ANOS1: variants seen among roughly 807,000 people sequenced by gnomAD.
ANOS1 encodes the protein anosmin 1.
In ANOS1, 6 loss-of-function variants were observed where a neutral mutation model predicts 59.0. That is an observed-to-expected ratio of 0.10 (90% CI 0.06 to 0.20). The LOEUF (loss-of-function observed/expected upper bound fraction) is 0.20. ANOS1 is among the 10% of genes least tolerant of loss of function. The probability of loss-of-function intolerance (pLI) is 1.00; values close to 1 mark genes in which losing one functional copy is unlikely to be tolerated. For synonymous variants in ANOS1, 217 were observed against 223.4 expected (o/e 0.97, Z 0.25); for missense variants, 433 against 542.3 (o/e 0.80, Z 2.00).
At chrX:8,720,315 C>T (rs2146910887) in intron 1 of ANOS1, among the ~76,000 whole-genome samples, 1 of 111,454 alleles carries the variant, frequency 9.0e-6, no homozygotes, top group East Asian at 2.8e-4. Context: ...TTGCAGGCAG[C>T]AAACATCCCC....
intron 1 of ANOS1, among the ~76,000 whole-genome samples, chrX:8,729,467 C>T (rs780067820): frequency 1.4e-3 from 117 of 83,603 alleles, no homozygotes; most frequent in African/African-American, 5.3e-3. Flanking sequence ...GGTGTGATCT[C>T]GGCTCACTGC....
At chrX:8,551,061 C>G (rs1042469669) in intron 9 of ANOS1, among the ~76,000 whole-genome samples, 1 of 111,407 alleles carries the variant, frequency 9.0e-6, no homozygotes, top group Admixed American at 9.6e-5. Context: ...CCTACCACCA[C>G]GTAAGGTATG....
At chrX:8,569,499 G>A (rs1030385157) in intron 7 of ANOS1, among the ~76,000 whole-genome samples, 2 of 111,425 alleles carry the variant, frequency 1.8e-5, no homozygotes, top group Admixed American at 9.5e-5. Context: ...AAAATTAGCT[G>A]GGTGTGGTGG....
In ANOS1 at chrX:8,539,625, T is replaced by C. The variant is rs1375085354; in HGVS notation, c.1449+39A>G. On this transcript the variant is annotated intron_variant, in intron 10 of 13. Transcript: ENST00000262648. The stretch of plus-strand genomic sequence containing the variant: ...GTTTGTACATCCTCCTGTCTAATTA[T>C]GTTCACAGATCAAGTTGGCCTAGAG... 6 of 1,210,714 alleles carry C rather than the reference T, an allele frequency of 5.0e-6. No individual in the cohort carries two copies. In the South Asian group the frequency reaches 8.8e-5, roughly 18 times the overall value.
chrX:8,660,624 A>ATT (rs111314079), intron 2 of ANOS1, among the ~76,000 whole-genome samples: 1 of 109,903 alleles, frequency 9.1e-6, no homozygotes, highest in African/African-American at 3.3e-5. Context: ...TTAAAAAGAA[A>ATT]ATTTTTAAAA....
chrX:8,626,453 C>T (rs551391651), intron 2 of ANOS1, among the ~76,000 whole-genome samples: 1 of 111,539 alleles, frequency 9.0e-6, no homozygotes, highest in South Asian at 3.8e-4. Context: ...ATATATGAGC[C>T]TGCCCCAAGT....
In ANOS1 at chrX:8,576,699, C is replaced by T. The variant is rs188301025; in HGVS notation, c.857-5995G>A. On this transcript the variant is annotated intron_variant, in intron 6 of 13. Coordinates refer to ENST00000262648, the MANE Select transcript of ANOS1 (RefSeq NM_000216.4). ...GATATATGTCCAAGGTCATTCACAT[C>T]ATTGATGGCAGAACAAGGAGCGTGA... Among the ~76,000 whole-genome samples the T allele has an allele frequency of 3.6e-5, 4 of 110,358 alleles. No homozygotes were observed. The East Asian group carries it at 1.1e-3, about 32-fold the overall frequency.
chrX:8,722,530 C>T (rs1486934950), intron 1 of ANOS1, among the ~76,000 whole-genome samples: 1 of 111,047 alleles, frequency 9.0e-6, no homozygotes, highest in African/African-American at 3.3e-5. Flanking sequence ...CGAATACCAT[C>T]AGTTCATTCC....
chrX:8,728,197 C>T (rs73199079), intron 1 of ANOS1, among the ~76,000 whole-genome samples: 4,199 of 111,934 alleles, frequency 0.038, 72 homozygotes, highest in African/African-American at 0.072. Flanking sequence ...CCGGCTAAAT[C>T]GTCAATGAAC....
chrX:8,615,600 C>T (rs968186218), intron 3 of ANOS1, among the ~76,000 whole-genome samples: 3 of 110,458 alleles, frequency 2.7e-5, no homozygotes, highest in African/African-American at 9.9e-5. Context: ...GTCAGTCACT[C>T]CAGCCTCCAT....
chrX:8,567,090 G>C (rs1385489835), intron 8 of ANOS1, among the ~76,000 whole-genome samples: 1 of 111,589 alleles, frequency 9.0e-6, no homozygotes, highest in Non-Finnish European at 1.9e-5. Flanking sequence ...ACCTTGCTAG[G>C]AGCCCCTGCA....
At chrX:8,654,060 A>G (rs778948610) in intron 2 of ANOS1, among the ~76,000 whole-genome samples, 1 of 111,915 alleles carries the variant, frequency 8.9e-6, no homozygotes, top group African/African-American at 3.2e-5. Context: ...ATGGCTGTGA[A>G]TATCAGCTTG....
chrX:8,669,999 A>G (rs1249847489), intron 2 of ANOS1, among the ~76,000 whole-genome samples: 1 of 112,120 alleles, frequency 8.9e-6, no homozygotes, highest in Non-Finnish European at 1.9e-5. Flanking sequence ...TGCCCAATAG[A>G]TAAACGATGA....
At chrX:8,730,062 G>A (rs929964499) in intron 1 of ANOS1, among the ~76,000 whole-genome samples, 2 of 111,550 alleles carry the variant, frequency 1.8e-5, no homozygotes, top group African/African-American at 6.5e-5. Context: ...AGCCTTTCAC[G>A]GGAACTGGCT....
chrX:8,538,821 A>C (rs808116), intron 10 of ANOS1, among the ~76,000 whole-genome samples: 49,060 of 110,816 alleles, frequency 0.44, 8,805 homozygotes, highest in East Asian at 0.7. Flanking sequence ...AAATCCAGTG[A>C]CTTGTTTTAT....
intron 2 of ANOS1, among the ~76,000 whole-genome samples, chrX:8,628,285 TC>T (rs1424046306): frequency 1.8e-5 from 2 of 111,970 alleles, no homozygotes; most frequent in Non-Finnish European, 3.8e-5. Context: ...CCCACCCTTT[TC>T]CCAGAAAACT....
At chrX:8,700,881 CG>C (rs1302721665) in intron 1 of ANOS1, among the ~76,000 whole-genome samples, 6 of 110,871 alleles carry the variant, frequency 5.4e-5, no homozygotes. Flanking sequence ...TGGTGGCACA[CG>C]CCTGTAATCC....
intron 1 of ANOS1, among the ~76,000 whole-genome samples, chrX:8,702,732 C>A (rs779322001): frequency 6.2e-5 from 7 of 112,315 alleles, no homozygotes; most frequent in Non-Finnish European, 5.6e-5. Context: ...CGACACCTGT[C>A]TGAGCACATC....
chrX:8,566,587 A>G (rs1311347416), intron 8 of ANOS1, among the ~76,000 whole-genome samples: 1 of 111,399 alleles, frequency 9.0e-6, no homozygotes, highest in Non-Finnish European at 1.9e-5. Context: ...CATAATTCAT[A>G]GGCACACAAT....
Sources: gnomAD v4.1 joint callset for allele counts (sites outside exome capture counted in the v4.1 genomes callset) on GRCh38, gnomAD v4.1.1 for gene constraint, MANE v1.5 for transcripts, NCBI Gene and HGNC (gene_info 2026-07-23, HGNC 2026-07-21) for gene names.